UBE4B: variants seen among roughly 807,000 people sequenced by gnomAD.
UBE4B encodes ubiquitin conjugation factor E4 B.
In UBE4B, 27 loss-of-function variants were observed where a neutral mutation model predicts 148.1. The ratio of observed to expected loss-of-function variants is 0.18; its 90% CI spans 0.13 to 0.25. The LOEUF (loss-of-function observed/expected upper bound fraction) is 0.25. Among genes scored for constraint, UBE4B ranks in the 10% least tolerant of loss-of-function variants. The pLI is 1.00. For synonymous variants in UBE4B, 596 were observed against 619.3 expected (o/e 0.96, Z 0.56); for missense variants, 1,170 against 1,662.4 (o/e 0.70, Z 5.15).
intron 14 of UBE4B, 46 bp downstream of exon 14, chr1:10,130,859 T>G: frequency 6.5e-7 from 1 of 1,544,340 alleles, no homozygotes; most frequent in Non-Finnish European, 9.0e-7. Flanking sequence ...AAAGATGAGC[T>G]CCAGATACAG....
intron 1 of UBE4B, among the ~76,000 whole-genome samples, chr1:10,048,544 G>C (rs1370754887): frequency 6.6e-6 from 1 of 152,168 alleles, no homozygotes; most frequent in Non-Finnish European, 1.5e-5. Context: ...CAGAAAAGGA[G>C]ACTGATAAGG....
intron 1 of UBE4B, among the ~76,000 whole-genome samples, chr1:10,057,818 A>AT (rs1557517562): frequency 6.6e-6 from 1 of 152,000 alleles, no homozygotes; most frequent in African/African-American, 2.4e-5. Flanking sequence ...TTTGTGCTTT[A>AT]TTTTTGAGAT....
At chr1:10,102,428 T>C (rs886818760) in intron 4 of UBE4B, among the ~76,000 whole-genome samples, 24 of 111,736 alleles carry the variant, frequency 2.1e-4, no homozygotes, top group Admixed American at 6.1e-4. Flanking sequence ...TTTTTTTTTT[T>C]GAGACAGGGC....
At chr1:10,122,390 G>A (rs76595484) in intron 10 of UBE4B, among the ~76,000 whole-genome samples, 1,802 of 152,148 alleles carry the variant, frequency 0.012, 29 homozygotes, top group African/African-American at 0.041. Flanking sequence ...ACCCAGAGAC[G>A]GCATAAGGCA....
At chr1:10,052,380 TTTAA>T (rs1644067054) in intron 1 of UBE4B, among the ~76,000 whole-genome samples, 1 of 152,106 alleles carries the variant, frequency 6.6e-6, no homozygotes, top group Non-Finnish European at 1.5e-5. Flanking sequence ...TCAGTGGTGA[TTTAA>T]TTAGTTAGAT....
intron 2 of UBE4B, among the ~76,000 whole-genome samples, chr1:10,074,885 T>C (rs1644551835): frequency 6.6e-6 from 1 of 152,216 alleles, no homozygotes; most frequent in Admixed American, 6.5e-5. Flanking sequence ...TAAGCTTTTA[T>C]CTCCAACGTG....
chr1:10,090,640 A>G (rs1056264805), intron 2 of UBE4B, among the ~76,000 whole-genome samples: 1 of 152,138 alleles, frequency 6.6e-6, no homozygotes, highest in Non-Finnish European at 1.5e-5. Context: ...ATGTTGTTTA[A>G]GCTGGTCTTG....
At chr1:10,121,691 G>T (rs982681055) in intron 9 of UBE4B, among the ~76,000 whole-genome samples, 1 of 152,120 alleles carries the variant, frequency 6.6e-6, no homozygotes, top group Non-Finnish European at 1.5e-5. Context: ...ACCGTGCCTG[G>T]CCATGCTTCC....
chr1:10,150,172 A>G (rs932207104), intron 20 of UBE4B, among the ~76,000 whole-genome samples: 7 of 152,186 alleles, frequency 4.6e-5, no homozygotes, highest in African/African-American at 1.7e-4. Context: ...AGAGGTTGCA[A>G]TGAGCAGAGA....
chr1:10,037,896 A>G (rs1296099483), intron 1 of UBE4B, among the ~76,000 whole-genome samples: 4 of 152,098 alleles, frequency 2.6e-5, no homozygotes, highest in Admixed American at 1.3e-4. Flanking sequence ...TGGTAATGAG[A>G]TTGCATAAGT....
rs747401645 is a variant in UBE4B, at chr1:10,137,101, C to T, written c.2259C>T (p.Phe753=). 2.5e-6 allele frequency: 4 copies of T among 1,614,054 alleles called. No individual in the cohort carries two copies. In the African/African-American group the frequency reaches 5.3e-5, roughly 22 times the overall value. Residue 753 remains phenylalanine (F), a synonymous_variant, in exon 17 of 28, where the codon TTC becomes TTT. Coordinates refer to ENST00000343090, the MANE Select transcript of UBE4B (RefSeq NM_001105562.3). ...AGCCTCCATTTTCTGAGCCGAAATT[C>T]CCTACGGAGTGCTTCTTTCTCACCC... The part of the protein sequence containing the change: ...GDQPPFSEPK[F]PTECFFLTLH...
Position 10,161,046 on chromosome 1 carries a change from T to C in UBE4B, c.3054-96T>C. ...TAGCCAGGCTTTTAGGGTGAGATAG[T>C]TGCAGTCTGGGTGGAGGTGCTTGTT... On this transcript the variant is annotated intron_variant, in intron 22 of 27. Coordinates refer to ENST00000343090, the MANE Select transcript of UBE4B (RefSeq NM_001105562.3). This position sits in a 1 kb window ranked among gnomAD's most constrained non-coding sequence, Gnocchi z 4.1. 7.1e-7 allele frequency: 1 copy of C among 1,407,680 alleles called. No individual in the cohort carries two copies. Among genetic ancestry groups the C allele is most frequent in the East Asian group, 2.3e-5 (1 of 42,956 alleles). The allele number at this position is 1,407,680 out of a possible 1,614,324, so 87.2% of individuals were successfully genotyped here.
intron 9 of UBE4B, among the ~76,000 whole-genome samples, chr1:10,120,587 A>G (rs1417152763): frequency 1.5e-4 from 23 of 152,198 alleles, no homozygotes; most frequent in Admixed American, 1.4e-3. Context: ...CTGTAATCCT[A>G]TCACTTTGAG....
At chr1:10,121,859 T>G in intron 9 of UBE4B, 103 bp from the exon 10 acceptor site, 1 of 673,534 alleles carries the variant, frequency 1.5e-6, no homozygotes, top group Non-Finnish European at 2.5e-6. Context: ...TTGGGAGATG[T>G]CAAGTTTGAC....
rs757353202 is a variant in UBE4B, at chr1:10,178,779, G to A, written c.3661G>A (p.Ala1221Thr). Residue 1221 changes from alanine (A) to threonine (T), a missense_variant, in exon 26 of 28, where the codon GCA (alanine) becomes ACA (threonine). Coordinates refer to ENST00000343090, the MANE Select transcript of UBE4B (RefSeq NM_001105562.3). ...VEEIVAKNAR[A>T]EIDYSDAPDE... ...GGAGATAGTGGCCAAGAACGCACGC[G>A]CAGAAATCGACTACAGCGACGCTCC... is the stretch of plus-strand genomic sequence containing the variant. 11 of 1,612,924 alleles carry A rather than the reference G, an allele frequency of 6.8e-6. No homozygotes were observed. The highest frequency in any genetic ancestry group is 4.5e-5 in the East Asian group (2 of 44,874).
chr1:10,067,969 C>G (rs912035488), intron 1 of UBE4B, among the ~76,000 whole-genome samples: 3 of 151,490 alleles, frequency 2.0e-5, no homozygotes, highest in Non-Finnish European at 2.9e-5. Context: ...ACCTTGTGAT[C>G]CGCCCACCTC....
chr1:10,161,096 G>T lies in UBE4B; in HGVS notation c.3054-46G>T. 1 of 1,595,042 alleles carries T rather than the reference G, an allele frequency of 6.3e-7. No homozygotes were observed. ...TCCCTGGGATTTGCTGTGGCATTTT[G>T]CTTCAGGGAGATGTATGACCATGTA... On this transcript the variant is annotated intron_variant, in intron 22 of 27. Coordinates refer to ENST00000343090, the MANE Select transcript of UBE4B (RefSeq NM_001105562.3). This position sits in a 1 kb window ranked among gnomAD's most constrained non-coding sequence, Gnocchi z 4.1.
intron 7 of UBE4B, chr1:10,107,143 G>C: frequency 8.0e-7 from 1 of 1,252,544 alleles, no homozygotes; most frequent in South Asian, 1.3e-5. Flanking sequence ...TTATTTAAAA[G>C]GACAGCAGTT....
intron 2 of UBE4B, among the ~76,000 whole-genome samples, chr1:10,094,384 A>G (rs1032441579): frequency 1.3e-5 from 2 of 152,020 alleles, no homozygotes; most frequent in African/African-American, 4.8e-5. Flanking sequence ...TAAAGTTGAG[A>G]GAATTTTGCA....
Sources: gnomAD v4.1 joint callset for allele counts (sites outside exome capture counted in the v4.1 genomes callset) on GRCh38, gnomAD v4.1.1 for gene constraint, Gnocchi (gnomAD v3.1) non-coding constraint, MANE v1.5 for transcripts, NCBI Gene and HGNC (gene_info 2026-07-23, HGNC 2026-07-21) for gene names.